Variants in WASL observed in about 807,000 individuals in gnomAD.
WASL encodes the protein actin nucleation-promoting factor WASL.
Under a neutral mutation model 55.5 loss-of-function variants are expected in WASL, and 20 were observed. The observed-to-expected ratio is 0.36, with a 90% CI of 0.25 to 0.52. The LOEUF is 0.52. Among genes scored for constraint, WASL ranks in the 20% least tolerant of loss-of-function variants. The probability of loss-of-function intolerance (pLI) is 0.92; values close to 1 mark genes in which losing one functional copy is unlikely to be tolerated. For missense variants in WASL, 504 were observed against 622.5 expected (o/e 0.81, Z 2.03); for synonymous variants, 249 against 217.6 (o/e 1.14, Z -1.27).
intron 1 of WASL, among the ~76,000 whole-genome samples, chr7:123,713,119 T>C (rs1803785237): frequency 6.6e-6 from 1 of 152,142 alleles, no homozygotes; most frequent in Admixed American, 6.6e-5. Context: ...CTAACAAATA[T>C]ACAATGTTAA....
chr7:123,747,343 T>C (rs948547629), intron 1 of WASL, among the ~76,000 whole-genome samples: 3 of 152,186 alleles, frequency 2.0e-5, no homozygotes, highest in African/African-American at 7.2e-5. Flanking sequence ...TCTTGTTTCA[T>C]CCTTCTAATC....
chr7:123,723,551 C>T (rs1803990216), intron 1 of WASL, among the ~76,000 whole-genome samples: 1 of 152,192 alleles, frequency 6.6e-6, no homozygotes, highest in African/African-American at 2.4e-5. Flanking sequence ...CAGTACCACC[C>T]ATTCCCCAAC....
intron 1 of WASL, among the ~76,000 whole-genome samples, chr7:123,722,911 C>A (rs1803976006): frequency 1.3e-5 from 2 of 152,128 alleles, no homozygotes; most frequent in Non-Finnish European, 2.9e-5. Context: ...TGAATGCTAA[C>A]TGGACACAAG....
chr7:123,687,967 A>AT (rs991489166), intron 10 of WASL, among the ~76,000 whole-genome samples: 1 of 152,176 alleles, frequency 6.6e-6, no homozygotes, highest in Non-Finnish European at 1.5e-5. Context: ...GTGACATACT[A>AT]TTTAATTCTC....
chr7:123,748,287 G>C (rs1167119301), intron 1 of WASL, among the ~76,000 whole-genome samples: 2 of 152,132 alleles, frequency 1.3e-5, no homozygotes, highest in Non-Finnish European at 2.9e-5. Flanking sequence ...AGGACCAAGC[G>C]GCTCTTGCAA....
chr7:123,696,721 C>G lies in WASL; in HGVS notation c.487G>C (p.Asp163His). 1.3e-6 allele frequency: 2 copies of G among 1,594,066 alleles called. No homozygotes were observed. The highest frequency in any genetic ancestry group is 1.7e-4 in the Middle Eastern group (1 of 6,004). ...GTTGTGATTTCTGGATTTTTTATAT[C>G]AACTGTAGCCATGGGTAGATTAGGA... ...NGPNLPMATV[D>H]IKNPEITTNR... The change falls in exon 6 of 11, where the codon GAT (aspartate) becomes CAT (histidine). Residue 163 changes from aspartate (D) to histidine (H), a missense_variant. By Grantham distance (81) the Asp-to-His change is moderately conservative. Coordinates refer to ENST00000223023, the MANE Select transcript of WASL (RefSeq NM_003941.4).
chr7:123,738,743 T>C (rs1360578601), intron 1 of WASL, among the ~76,000 whole-genome samples: 1 of 149,964 alleles, frequency 6.7e-6, no homozygotes, highest in South Asian at 2.1e-4. Flanking sequence ...GACACATACA[T>C]CAAGGACTTA....
Position 123,692,758 on chromosome 7 carries a change from T to C in WASL, c.936A>G (p.Pro312=). The change falls in exon 9 of 11, where the codon CCA becomes CCG. Residue 312 remains proline, a synonymous_variant. Transcript: ENST00000223023. ...CAGCTGTGGGAGCTCTTGAAGGTGG[T>C]GGGGGAGGAGCGCCTCTTCCCCTAG... ...PPARGRGAPP[P]PPSRAPTAAP... is the part of the protein sequence containing the mutation. The C allele has an allele frequency of 6.7e-7, 1 of 1,487,538 alleles. No homozygotes were observed. Among genetic ancestry groups the C allele is most frequent in the Non-Finnish European group, 8.9e-7 (1 of 1,119,954 alleles). 92.1% of individuals were successfully genotyped at this position (1,487,538 alleles called of 1,614,324 possible).
intron 1 of WASL, 143 bp downstream of exon 1, chr7:123,748,475 C>A: frequency 1.4e-6 from 1 of 721,172 alleles, no homozygotes. Flanking sequence ...AGGGCGCCGA[C>A]GAGGGGCCGG....
intron 1 of WASL, among the ~76,000 whole-genome samples, chr7:123,734,294 A>T (rs1804189643): frequency 6.6e-6 from 1 of 152,186 alleles, no homozygotes; most frequent in Non-Finnish European, 1.5e-5. Flanking sequence ...CATCAATAAG[A>T]CATAAACACA....
chr7:123,737,626 T>C (rs1285232705), intron 1 of WASL, among the ~76,000 whole-genome samples: 1 of 146,126 alleles, frequency 6.8e-6, no homozygotes, highest in Non-Finnish European at 1.5e-5. Flanking sequence ...GCATTTCATA[T>C]GGGAGAAAAT....
intron 1 of WASL, among the ~76,000 whole-genome samples, chr7:123,738,461 G>C (rs1047524421): frequency 6.6e-6 from 1 of 152,046 alleles, no homozygotes; most frequent in African/African-American, 2.4e-5. Flanking sequence ...TCCCACAGCC[G>C]CAATAATCAA....
intron 10 of WASL, 30 bp downstream of exon 10, chr7:123,689,012 C>G (rs776349504): frequency 8.1e-4 from 487 of 602,766 alleles, no homozygotes; most frequent in Non-Finnish European, 1.0e-3. Flanking sequence ...CTCTGTCTCT[C>G]TCTCTCTCTC....
chr7:123,704,502 T>C, intron 5 of WASL, 132 bp downstream of exon 5: 1 of 633,858 alleles, frequency 1.6e-6, no homozygotes, highest in Admixed American at 3.5e-5. Context: ...TACTTACTAA[T>C]GTATGGTACA....
chr7:123,713,243 G>A (rs374628995), intron 1 of WASL, among the ~76,000 whole-genome samples: 164 of 152,224 alleles, frequency 1.1e-3, no homozygotes, highest in African/African-American at 3.8e-3. Flanking sequence ...CAAGCCCCTA[G>A]GTTCAAGTGA....
At chr7:123,730,403 C>T (rs1372871125) in intron 1 of WASL, among the ~76,000 whole-genome samples, 1 of 151,880 alleles carries the variant, frequency 6.6e-6, no homozygotes, top group South Asian at 2.1e-4. Context: ...AAATTAATGA[C>T]AGTGGGGAGG....
intron 1 of WASL, among the ~76,000 whole-genome samples, chr7:123,722,634 A>G (rs753025185): frequency 4.7e-4 from 71 of 152,256 alleles, no homozygotes; most frequent in Non-Finnish European, 7.5e-4. Flanking sequence ...CGTGGCCAAC[A>G]TGGCGAAACC....
intron 5 of WASL, among the ~76,000 whole-genome samples, chr7:123,698,659 G>C (rs3807640): frequency 0.43 from 65,719 of 151,916 alleles, 14,769 homozygotes; most frequent in South Asian, 0.66. Context: ...ATGAGAGCTA[G>C]TGAATAATAT....
chr7:123,730,769 A>ATAGTCGGTATAGTCTTG (rs1395287071), intron 1 of WASL, among the ~76,000 whole-genome samples: 2 of 152,226 alleles, frequency 1.3e-5, no homozygotes, highest in Non-Finnish European at 2.9e-5. Context: ...ACCCGACTCT[A>ATAGTCGGTATAGTCTTG]TATAGTCTAC....
Sources: gnomAD v4.1 joint callset for allele counts (sites outside exome capture counted in the v4.1 genomes callset) on GRCh38, gnomAD v4.1.1 for gene constraint, MANE v1.5 for transcripts, NCBI Gene and HGNC (gene_info 2026-07-23, HGNC 2026-07-21) for gene names.